ANK3: variants seen among roughly 807,000 people sequenced by gnomAD.
The protein encoded by ANK3 is ankyrin-3.
Under a neutral mutation model 370.9 loss-of-function variants are expected in ANK3, and 57 were observed. The observed-to-expected ratio is 0.15, with a 90% CI of 0.12 to 0.19. ANK3 has a LOEUF of 0.19. ANK3 is among the 10% of genes least tolerant of loss of function. The pLI, the probability that ANK3 is intolerant of heterozygous loss-of-function variation, is 1.00. For synonymous variants in ANK3, 1,929 were observed against 1,946.3 expected, an observed-to-expected ratio of 0.99 and a Z score of 0.23; for missense variants, 4,439 against 5,302.1, an observed-to-expected ratio of 0.84 and a Z score of 5.06.
chr10:60,146,264 A>G (rs1237919019), intron 23 of ANK3, among the ~76,000 whole-genome samples: 1 of 152,194 alleles, frequency 6.6e-6, no homozygotes, highest in Admixed American at 6.5e-5. Flanking sequence ...AGAAAAAGTG[A>G]AGTAACAAGG....
At chr10:60,732,544 G>C (rs901127323) in intron 1 of ANK3, among the ~76,000 whole-genome samples, 1 of 152,098 alleles carries the variant, frequency 6.6e-6, no homozygotes, top group East Asian at 1.9e-4. Context: ...CTCGGAGATC[G>C]GAGATCGAAG....
chr10:60,043,897 C>T (rs1485132705), intron 42 of ANK3: 1 of 985,086 alleles, frequency 1.0e-6, no homozygotes, highest in East Asian at 1.1e-4. Context: ...AAGTATGTAA[C>T]AAAGAATGTT....
chr10:60,227,879 T>G (rs185178670), intron 8 of ANK3, among the ~76,000 whole-genome samples: 1 of 152,218 alleles, frequency 6.6e-6, no homozygotes, highest in African/African-American at 2.4e-5. Context: ...TTGTTTCTAT[T>G]ATCTAACTTT....
At chr10:60,422,421 T>C (rs1384400341) in intron 2 of ANK3, among the ~76,000 whole-genome samples, 1 of 152,136 alleles carries the variant, frequency 6.6e-6, no homozygotes, top group African/African-American at 2.4e-5. Flanking sequence ...TCAAGAGATA[T>C]AGATCCTCTT....
At chr10:60,152,258 C>G (rs774201945) in intron 23 of ANK3, among the ~76,000 whole-genome samples, 1 of 152,156 alleles carries the variant, frequency 6.6e-6, no homozygotes, top group Non-Finnish European at 1.5e-5. Context: ...CCAAACCCAG[C>G]CTCTTGCCTA....
At chr10:60,280,589 A>G (rs2098146720) in intron 1 of ANK3, among the ~76,000 whole-genome samples, 2 of 152,240 alleles carry the variant, frequency 1.3e-5, no homozygotes, top group African/African-American at 2.4e-5. Context: ...AATCTCTGAT[A>G]GAAAGATGGT....
chr10:60,134,415 G>T, intron 24 of ANK3, 42 bp from the exon 25 acceptor site: 2 of 1,484,398 alleles, frequency 1.3e-6, no homozygotes, highest in Non-Finnish European at 9.2e-7. Flanking sequence ...GGTAGATGAT[G>T]ATGAGATGAA....
chr10:60,049,889 T>G (rs1321660807), intron 42 of ANK3, among the ~76,000 whole-genome samples: 1 of 152,212 alleles, frequency 6.6e-6, no homozygotes, highest in Non-Finnish European at 1.5e-5. Context: ...CCACTTTTTT[T>G]GCATGGCTAT....
intron 7 of ANK3, among the ~76,000 whole-genome samples, chr10:60,252,667 G>T (rs2097686414): frequency 6.6e-6 from 1 of 152,098 alleles, no homozygotes; most frequent in Non-Finnish European, 1.5e-5. Context: ...TTGTCTCAGT[G>T]TCATTAATTA....
At chr10:60,159,637 T>C (rs1186260925) in intron 23 of ANK3, among the ~76,000 whole-genome samples, 1 of 152,116 alleles carries the variant, frequency 6.6e-6, no homozygotes, top group Non-Finnish European at 1.5e-5. Context: ...GCACATGGAA[T>C]ATTCTCAAGG....
At chr10:60,552,147 T>C (rs1024548749) in intron 2 of ANK3, among the ~76,000 whole-genome samples, 1 of 152,226 alleles carries the variant, frequency 6.6e-6, no homozygotes, top group Non-Finnish European at 1.5e-5. Context: ...ACTTTATCAA[T>C]TATAAGATAC....
intron 2 of ANK3, among the ~76,000 whole-genome samples, chr10:60,484,947 A>T (rs2075313009): frequency 6.6e-6 from 1 of 152,198 alleles, no homozygotes; most frequent in South Asian, 2.1e-4. Context: ...TAAAAATGAC[A>T]TTGACTTAAC....
intron 2 of ANK3, among the ~76,000 whole-genome samples, chr10:60,429,340 G>T (rs894549278): frequency 1.3e-5 from 2 of 152,080 alleles, no homozygotes; most frequent in African/African-American, 4.8e-5. Flanking sequence ...AAGTAAAAGG[G>T]ACTTATATAA....
intron 2 of ANK3, among the ~76,000 whole-genome samples, chr10:60,417,900 A>G (rs2063701269): frequency 2.0e-5 from 3 of 152,128 alleles, no homozygotes; most frequent in African/African-American, 7.2e-5. Flanking sequence ...TATTAATCAT[A>G]CTTGAAAGGT....
At chr10:60,643,616 A>G (rs1356315683) in intron 1 of ANK3, among the ~76,000 whole-genome samples, 1 of 151,946 alleles carries the variant, frequency 6.6e-6, no homozygotes, top group Non-Finnish European at 1.5e-5. Flanking sequence ...TCTAGGGACC[A>G]ACCTTTCTCA....
At chr10:60,711,766 T>C (rs1343388297) in intron 1 of ANK3, among the ~76,000 whole-genome samples, 1 of 152,166 alleles carries the variant, frequency 6.6e-6, no homozygotes, top group Non-Finnish European at 1.5e-5. Flanking sequence ...AATCTACATC[T>C]AGACATATTA....
chr10:60,203,131 T>C (rs2096710219), intron 11 of ANK3, 31 bp from the exon 12 acceptor site: 3 of 1,555,352 alleles, frequency 1.9e-6, no homozygotes, highest in Non-Finnish European at 2.7e-6. Flanking sequence ...TGGTGGTTTG[T>C]TGGCTTAGCA....
chr10:60,316,869 TC>T (rs1262339984), intron 1 of ANK3, among the ~76,000 whole-genome samples: 2 of 152,032 alleles, frequency 1.3e-5, no homozygotes, highest in African/African-American at 4.8e-5. Context: ...TGCCTCAGCC[TC>T]CCGAGTAGCT....
intron 2 of ANK3, among the ~76,000 whole-genome samples, chr10:60,469,221 GCA>G (rs1491172435): frequency 5.5e-4 from 1 of 1,834 alleles, no homozygotes; most frequent in Non-Finnish European, 1.1e-3. Context: ...CACTTTTAGT[GCA>G]TATATATATA....
Sources: allele counts gnomAD v4.1 joint callset (sites outside exome capture counted in the v4.1 genomes callset), GRCh38; gene constraint gnomAD v4.1.1; transcripts MANE v1.5; gene names NCBI Gene and HGNC (gene_info 2026-07-23, HGNC 2026-07-21).